RAB10: variants seen among roughly 807,000 people sequenced by gnomAD.
RAB10 encodes RAB10, member RAS oncogene family.
RAB10 carries 5 observed loss-of-function variants against 25.7 expected under a neutral mutation model. The ratio of observed to expected loss-of-function variants is 0.19; its 90% CI spans 0.10 to 0.41. RAB10 has a LOEUF of 0.41. Among genes scored for constraint, RAB10 ranks in the 10% least tolerant of loss-of-function variants. RAB10 has a pLI of 1.00. For synonymous variants in RAB10, 89 were observed against 86.4 expected, an observed-to-expected ratio of 1.03 and a Z score of -0.16; for missense variants, 103 against 245.8, an observed-to-expected ratio of 0.42 and a Z score of 3.89.
At chr2:26,036,190 C>T (rs988258918) in intron 1 of RAB10, among the ~76,000 whole-genome samples, 1 of 152,162 alleles carries the variant, frequency 6.6e-6, no homozygotes, top group African/African-American at 2.4e-5. Context: ...GCACCTAATG[C>T]TGGGCACTGT....
intron 3 of RAB10, among the ~76,000 whole-genome samples, chr2:26,119,604 C>G (rs1234023569): frequency 6.6e-6 from 1 of 151,990 alleles, no homozygotes; most frequent in Non-Finnish European, 1.5e-5. Context: ...TTACTGCAGC[C>G]TCTACCTCCT....
chr2:26,098,918 G>A (rs1574551253), intron 2 of RAB10, among the ~76,000 whole-genome samples, 196 bp downstream of exon 2: 2 of 152,106 alleles, frequency 1.3e-5, no homozygotes, highest in Admixed American at 6.5e-5. Context: ...TCTACTTACC[G>A]TGTGAACTGA....
chr2:26,066,004 T>G (rs1383701309), intron 1 of RAB10, among the ~76,000 whole-genome samples: 3 of 152,212 alleles, frequency 2.0e-5, no homozygotes, highest in Non-Finnish European at 4.4e-5. Flanking sequence ...AACAAAAATT[T>G]TATCTTCAGT....
intron 1 of RAB10, among the ~76,000 whole-genome samples, chr2:26,039,822 G>T (rs757170837): frequency 6.6e-6 from 1 of 151,712 alleles, no homozygotes; most frequent in Non-Finnish European, 1.5e-5. Flanking sequence ...AGACCAGCCT[G>T]GGCAACATAG....
At chr2:26,094,103 G>A (rs547593685) in intron 1 of RAB10, among the ~76,000 whole-genome samples, 1 of 151,826 alleles carries the variant, frequency 6.6e-6, no homozygotes, top group African/African-American at 2.4e-5. Context: ...TGCTCAGGCT[G>A]GTCTTAAACT....
At chr2:26,116,663 C>T (rs1488636617) in intron 3 of RAB10, among the ~76,000 whole-genome samples, 4 of 142,882 alleles carry the variant, frequency 2.8e-5, no homozygotes, top group African/African-American at 7.6e-5. Flanking sequence ...TTCACACCAT[C>T]CTCCTGCCTC....
chr2:26,086,407 T>C (rs977550247), intron 1 of RAB10, among the ~76,000 whole-genome samples: 1 of 152,220 alleles, frequency 6.6e-6, no homozygotes, highest in Non-Finnish European at 1.5e-5. Flanking sequence ...CAATGAGGTA[T>C]CATTTCCTAC....
At chr2:26,078,655 A>G (rs1327457297) in intron 1 of RAB10, among the ~76,000 whole-genome samples, 1 of 152,200 alleles carries the variant, frequency 6.6e-6, no homozygotes, top group Non-Finnish European at 1.5e-5. Context: ...ATGGCCAGCT[A>G]GAGTTTCCAC....
At chr2:26,033,936 C>T (rs1259608799), upstream of RAB10, among the ~76,000 whole-genome samples, 2 of 152,224 alleles carry the variant, frequency 1.3e-5, no homozygotes, top group Non-Finnish European at 2.9e-5. Context: ...TCCCTTCTCC[C>T]CTCTGGGTCC....
chr2:26,110,866 C>T (rs932787190), intron 3 of RAB10, among the ~76,000 whole-genome samples: 1 of 60,836 alleles, frequency 1.6e-5, no homozygotes, highest in Non-Finnish European at 3.9e-5. Context: ...CCACCACACC[C>T]GGCTAATTTT....
chr2:26,053,606 T>G (rs1043045580), intron 1 of RAB10, among the ~76,000 whole-genome samples: 2 of 152,224 alleles, frequency 1.3e-5, no homozygotes, highest in African/African-American at 4.8e-5. Context: ...ACCTGGTAAA[T>G]ATTCGTGCTT....
chr2:26,056,960 C>T (rs1258650674), intron 1 of RAB10, among the ~76,000 whole-genome samples: 1 of 152,170 alleles, frequency 6.6e-6, no homozygotes, highest in Admixed American at 6.5e-5. Context: ...GGACTCTGAT[C>T]TGACAATAAG....
At chr2:26,062,010 G>A (rs930741819) in intron 1 of RAB10, among the ~76,000 whole-genome samples, 2 of 152,116 alleles carry the variant, frequency 1.3e-5, no homozygotes, top group Admixed American at 6.5e-5. Context: ...ATGGTTCTAG[G>A]AGCTTGGGGA....
rs1668130437 is a variant in RAB10, at chr2:26,137,248, A to G, written c.*2227A>G. ...ATAATCTGTTTGAAACATGAGTTTT[A>G]TTTGCTTAATATTAGGGCTTTGCCC... On this transcript the variant is annotated 3_prime_UTR_variant, in exon 6 of 6. Transcript: ENST00000264710. The G allele has an allele frequency of 6.6e-6, 1 of 152,628 alleles. No individual in the cohort carries two copies. Among genetic ancestry groups the G allele is most frequent in the Admixed American group, 6.5e-5 (1 of 15,286 alleles). 9.5% of individuals were successfully genotyped at this position (152,628 alleles called of 1,614,324 possible).
intron 3 of RAB10, among the ~76,000 whole-genome samples, chr2:26,112,142 C>G (rs1667586802): frequency 6.6e-6 from 1 of 152,218 alleles, no homozygotes; most frequent in Non-Finnish European, 1.5e-5. Flanking sequence ...CCTCTCCCAG[C>G]ACCTTGATGT....
At chr2:26,056,487 G>A (rs370408134) in intron 1 of RAB10, among the ~76,000 whole-genome samples, 1 of 152,162 alleles carries the variant, frequency 6.6e-6, no homozygotes, top group Non-Finnish European at 1.5e-5. Context: ...GTGAGTCACC[G>A]AGCCTGGCCC....
At chr2:26,130,213 A>C (rs1667985404) in intron 5 of RAB10, among the ~76,000 whole-genome samples, 1 of 152,220 alleles carries the variant, frequency 6.6e-6, no homozygotes, top group Non-Finnish European at 1.5e-5. Context: ...AACCCATTAG[A>C]ATTTCTTGAG....
chr2:26,135,197 A>G lies in RAB10; in HGVS notation c.*176A>G. On this transcript the variant is annotated 3_prime_UTR_variant, in exon 6 of 6. Coordinates refer to ENST00000264710, the MANE Select transcript of RAB10 (RefSeq NM_016131.5). ...GTGACTGCTTGCTGACTTTATCATA[A>G]TTTTCTTCAAACAAAAAAATGTATA... 2.0e-6 allele frequency: 1 copy of G among 510,156 alleles called. No homozygotes were observed. 31.6% of individuals were successfully genotyped at this position (510,156 alleles called of 1,614,324 possible).
At chr2:26,112,377 G>A (rs913340041) in intron 3 of RAB10, among the ~76,000 whole-genome samples, 1 of 152,116 alleles carries the variant, frequency 6.6e-6, no homozygotes, top group Admixed American at 6.6e-5. Flanking sequence ...CTAGATAGGA[G>A]CCTTGTCATC....
Sources: gnomAD v4.1 joint callset for allele counts (sites outside exome capture counted in the v4.1 genomes callset) on GRCh38, gnomAD v4.1.1 for gene constraint, MANE v1.5 for transcripts, NCBI Gene and HGNC (gene_info 2026-07-23, HGNC 2026-07-21) for gene names.